MCF2: variants seen among roughly 807,000 people sequenced by gnomAD.
MCF2 encodes the protein MCF.2 cell line derived transforming sequence.
In MCF2, 44 loss-of-function variants were observed where a neutral mutation model predicts 82.5. The ratio of observed to expected loss-of-function variants is 0.53; its 90% CI spans 0.42 to 0.69. The LOEUF (loss-of-function observed/expected upper bound fraction) is 0.69, where lower values mean the gene tolerates loss of function less well. MCF2 is among the 30% of genes least tolerant of loss of function. The pLI is 0.00. For synonymous variants in MCF2, 217 were observed against 224.9 expected (o/e 0.96, Z 0.32); for missense variants, 623 against 663.1 (o/e 0.94, Z 0.66).
At chrX:139,670,159 G>A (rs985651296) in intron 1 of MCF2, among the ~76,000 whole-genome samples, 1 of 110,080 alleles carries the variant, frequency 9.1e-6, no homozygotes, top group Admixed American at 9.7e-5. Context: ...TTTTCAAAAG[G>A]ATTTAATTAT....
chrX:139,704,499 G>C (rs1229901897), intron 1 of MCF2, among the ~76,000 whole-genome samples: 1 of 111,598 alleles, frequency 9.0e-6, no homozygotes, highest in Non-Finnish European at 1.9e-5. Flanking sequence ...CAGGCTGAGA[G>C]TGAAATCAAG....
chrX:139,629,742 T>C (rs763628715), exon 4 of MCF2: 5 of 1,206,094 alleles, frequency 4.1e-6, no homozygotes, highest in South Asian at 1.8e-5. Flanking sequence ...ATTTCTTCTA[T>C]TGAGGGAATA....
intron 1 of MCF2, among the ~76,000 whole-genome samples, chrX:139,656,650 C>T (rs1030297290): frequency 1.4e-4 from 16 of 111,822 alleles, no homozygotes; most frequent in Admixed American, 2.8e-4. Flanking sequence ...CTGCAAGGGA[C>T]GAGGTAAGAT....
At chrX:139,672,497 C>T (rs1934730626) in intron 1 of MCF2, among the ~76,000 whole-genome samples, 1 of 112,174 alleles carries the variant, frequency 8.9e-6, no homozygotes, top group Admixed American at 9.4e-5. Flanking sequence ...CCATCAATAC[C>T]TAGTTTATTG....
At chrX:139,666,998 T>C (rs989249606) in intron 1 of MCF2, among the ~76,000 whole-genome samples, 5 of 111,556 alleles carry the variant, frequency 4.5e-5, no homozygotes, top group Admixed American at 1.9e-4. Flanking sequence ...TAGTGTATTA[T>C]TGATGCTTTC....
intron 1 of MCF2, among the ~76,000 whole-genome samples, chrX:139,654,399 G>T (rs1934129492): frequency 9.0e-6 from 1 of 111,610 alleles, no homozygotes; most frequent in South Asian, 3.8e-4. Context: ...TAGTGATGTT[G>T]AACATTTTTT....
rs755193211 is a variant in MCF2, at chrX:139,633,316, G to C, written c.52-862C>G. Among the ~76,000 whole-genome samples the C allele has an allele frequency of 2.1e-3, 235 of 111,914 alleles. 1 individual carries two copies. Among genetic ancestry groups the C allele is most frequent in the African/African-American group, 7.4e-3 (227 of 30,868 alleles). The stretch of plus-strand genomic sequence containing the variant: ...CATTGCAAAATAAGTGGAGAACGGA[G>C]TAACATATCCCAATTTTAATAACAA... On this transcript the variant is annotated intron_variant, in intron 1 of 24. Coordinates refer to ENST00000370576, the Ensembl canonical transcript of MCF2.
chrX:139,655,713 T>A (rs755802277), intron 1 of MCF2, among the ~76,000 whole-genome samples: 50 of 111,445 alleles, frequency 4.5e-4, no homozygotes, highest in Non-Finnish European at 7.9e-4. Flanking sequence ...GTGTGTGATG[T>A]TCCCCTTCCT....
At chrX:139,704,899 A>G (rs1935562246) in intron 1 of MCF2, among the ~76,000 whole-genome samples, 1 of 111,844 alleles carries the variant, frequency 8.9e-6, no homozygotes, top group Admixed American at 9.5e-5. Flanking sequence ...AACTATTCTA[A>G]AATTCACATG....
At chrX:139,619,445 T>A in intron 7 of MCF2, 142 bp downstream of exon 10, 1 of 388,695 alleles carries the variant, frequency 2.6e-6, no homozygotes, top group Non-Finnish European at 4.0e-6. Flanking sequence ...CTTACTCATA[T>A]AACCAAATAC....
At position 139,588,728 on chromosome X, in the gene MCF2, T is replaced by C. The variant is rs184854924; in HGVS notation, c.2371-290A>G. 4.6e-4 allele frequency among the ~76,000 whole-genome samples: 50 copies of C among 108,945 alleles called. No homozygotes were observed. In the East Asian group the frequency reaches 0.013, roughly 29 times the overall value. The allele number at this position is 108,945 out of a possible 115,157, so 94.6% of individuals were successfully genotyped here. A position where few individuals can be genotyped will look rare whatever the true frequency, so the allele number is the denominator to read the frequency against. On this transcript the variant is annotated intron_variant, in intron 20 of 24. Transcript: ENST00000370576. The stretch of plus-strand genomic sequence containing the variant: ...GAGTTTGAGACCAGCCTGGGGAACA[T>C]AGGGAAACCCCATCTCTACTACTAC...
At chrX:139,668,234 G>T (rs761175069) in intron 1 of MCF2, among the ~76,000 whole-genome samples, 2 of 111,743 alleles carry the variant, frequency 1.8e-5, no homozygotes, top group Admixed American at 1.9e-4. Context: ...GCAGTTATCA[G>T]CAGGCTGATT....
chrX:139,582,516 C>A lies in MCF2; in HGVS notation c.2746-13G>T. On this transcript the variant is annotated splice_polypyrimidine_tract_variant and intron_variant, in intron 24 of 24. Transcript: ENST00000370576. ...CCGACACAGGTCTCTACAAGGGAAG[C>A]AGCACCCATTATTGCTCAGTTTACA... The A allele has an allele frequency of 8.4e-7, 1 of 1,186,330 alleles. No homozygotes were observed. The highest frequency in any genetic ancestry group is 1.1e-6 in the Non-Finnish European group (1 of 874,330).
chrX:139,617,755 A>G (rs779818714), intron 7 of MCF2, 51 bp from the exon 11 acceptor site: 4 of 766,079 alleles, frequency 5.2e-6, no homozygotes, highest in Non-Finnish European at 7.0e-6. Context: ...CTGTTCCTAT[A>G]GAGAAAAAAA....
intron 1 of MCF2, among the ~76,000 whole-genome samples, chrX:139,663,949 G>A (rs1389433239): frequency 2.7e-5 from 3 of 110,023 alleles, no homozygotes; most frequent in Admixed American, 9.7e-5. Context: ...TTTTTGTTTT[G>A]TTTTGTTTTT....
chrX:139,612,613 A>C (rs749744437), intron 10 of MCF2, among the ~76,000 whole-genome samples: 2 of 111,624 alleles, frequency 1.8e-5, no homozygotes, highest in African/African-American at 6.5e-5. Context: ...ATTAATACTT[A>C]TGTTTTGAGT....
chrX:139,608,518 G>A (rs1018763398), intron 11 of MCF2, among the ~76,000 whole-genome samples: 4 of 111,127 alleles, frequency 3.6e-5, no homozygotes, highest in Non-Finnish European at 7.5e-5. Context: ...CATTTGAAGT[G>A]TATTCCTGGT....
At chrX:139,621,442 C>A (rs1392707617) in intron 6 of MCF2, among the ~76,000 whole-genome samples, 2 of 111,647 alleles carry the variant, frequency 1.8e-5, no homozygotes, top group Non-Finnish European at 3.8e-5. Flanking sequence ...TATTCACAAA[C>A]TATGCATCTG....
At chrX:139,652,649 T>C (rs1302522144) in intron 1 of MCF2, among the ~76,000 whole-genome samples, 1 of 111,660 alleles carries the variant, frequency 9.0e-6, no homozygotes, top group Non-Finnish European at 1.9e-5. Context: ...CAAGGAAAAC[T>C]TTTTAAAAGA....
Sources: gnomAD v4.1 joint callset for allele counts (sites outside exome capture counted in the v4.1 genomes callset) on GRCh38, gnomAD v4.1.1 for gene constraint, MANE v1.5 for transcripts, NCBI Gene and HGNC (gene_info 2026-07-23, HGNC 2026-07-21) for gene names.